The following SSBP2 variants were observed in gnomAD, a reference collection of about 807,000 sequenced individuals.
The protein encoded by SSBP2 is single-stranded DNA-binding protein 2.
Under a neutral mutation model 61.8 loss-of-function variants are expected in SSBP2, and 17 were observed. The observed-to-expected ratio is 0.28, with a 90% CI of 0.19 to 0.41. SSBP2 has a LOEUF of 0.41. SSBP2 is among the 10% of genes least tolerant of loss of function. The pLI, the probability that SSBP2 is intolerant of heterozygous loss-of-function variation, is 1.00. For missense variants in SSBP2, 310 were observed against 458.7 expected (o/e 0.68, Z 2.96); for synonymous variants, 139 against 141.3 (o/e 0.98, Z 0.12).
chr5:81,624,527 C>A (rs1251047375), intron 3 of SSBP2, among the ~76,000 whole-genome samples: 1 of 152,112 alleles, frequency 6.6e-6, no homozygotes, highest in Non-Finnish European at 1.5e-5. Flanking sequence ...ATAAGCATTT[C>A]CTTTGAGTTT....
chr5:81,442,201 T>C (rs1472419112), intron 13 of SSBP2, among the ~76,000 whole-genome samples: 2 of 152,100 alleles, frequency 1.3e-5, no homozygotes, highest in Admixed American at 1.3e-4. Context: ...CTGTAGTAAC[T>C]GCTTTAGCTC....
chr5:81,423,553 G>A (rs1761746917), intron 16 of SSBP2, among the ~76,000 whole-genome samples: 1 of 151,892 alleles, frequency 6.6e-6, no homozygotes, highest in Non-Finnish European at 1.5e-5. Context: ...GACCAGCCTG[G>A]CCAAGATGGT....
chr5:81,538,285 GCCGAAT>G (rs1770974098), intron 4 of SSBP2, among the ~76,000 whole-genome samples: 2 of 152,212 alleles, frequency 1.3e-5, no homozygotes, highest in Non-Finnish European at 2.9e-5. Context: ...TTAAGCCAAA[GCCGAAT>G]ACAGAGCAAG....
intron 4 of SSBP2, among the ~76,000 whole-genome samples, chr5:81,555,060 T>C (rs1031803662): frequency 1.3e-5 from 2 of 152,134 alleles, no homozygotes; most frequent in Non-Finnish European, 2.9e-5. Flanking sequence ...TCACTCAATA[T>C]TGCTTTCTGT....
At chr5:81,450,301 C>T (rs548124507) in intron 10 of SSBP2, among the ~76,000 whole-genome samples, 2 of 152,164 alleles carry the variant, frequency 1.3e-5, no homozygotes, top group African/African-American at 2.4e-5. Context: ...GGATTATAGG[C>T]GTGAGCTGCT....
At chr5:81,631,692 T>A (rs1747741547) in intron 3 of SSBP2, among the ~76,000 whole-genome samples, 1 of 152,148 alleles carries the variant, frequency 6.6e-6, no homozygotes, top group African/African-American at 2.4e-5. Flanking sequence ...CAAACTTTTC[T>A]TTAAAGACTA....
chr5:81,745,303 TAGTC>T (rs1757285873), intron 1 of SSBP2, among the ~76,000 whole-genome samples: 1 of 152,132 alleles, frequency 6.6e-6, no homozygotes, highest in African/African-American at 2.4e-5. Context: ...TTTAATCTAA[TAGTC>T]AAGTAACTCT....
chr5:81,517,402 T>C (rs1769124210), intron 4 of SSBP2, among the ~76,000 whole-genome samples: 1 of 151,502 alleles, frequency 6.6e-6, no homozygotes, highest in African/African-American at 2.4e-5. Context: ...AGTGACAACT[T>C]TTTTATTTCT....
At chr5:81,639,050 A>G (rs909528943) in intron 2 of SSBP2, among the ~76,000 whole-genome samples, 7 of 152,126 alleles carry the variant, frequency 4.6e-5, no homozygotes, top group African/African-American at 1.7e-4. Flanking sequence ...AAGGCACAAA[A>G]AACCACCATT....
At chr5:81,454,520 A>G (rs1024537460) in intron 10 of SSBP2, among the ~76,000 whole-genome samples, 3 of 152,124 alleles carry the variant, frequency 2.0e-5, no homozygotes, top group African/African-American at 7.2e-5. Flanking sequence ...GTCTATACTA[A>G]GAATACAAAA....
At chr5:81,532,732 C>A (rs1770511436) in intron 4 of SSBP2, among the ~76,000 whole-genome samples, 2 of 151,526 alleles carry the variant, frequency 1.3e-5, no homozygotes, top group African/African-American at 4.8e-5. Flanking sequence ...TCATAAGAAG[C>A]AGGGTACTTG....
intron 3 of SSBP2, among the ~76,000 whole-genome samples, chr5:81,635,339 G>A (rs1192777605): frequency 5.3e-5 from 8 of 151,978 alleles, no homozygotes; most frequent in Admixed American, 5.2e-4. Flanking sequence ...TTCACTAACT[G>A]CTTATTTGTA....
chr5:81,458,682 A>C (rs1764332196), intron 10 of SSBP2, among the ~76,000 whole-genome samples: 1 of 152,214 alleles, frequency 6.6e-6, no homozygotes, highest in Admixed American at 6.5e-5. Context: ...TTTAATATTA[A>C]ATATGGGCAG....
Position 81,748,951 on chromosome 5 carries a change from T to C in SSBP2, c.62+2030A>G, listed in dbSNP as rs142239301. Reference sequence around the variant, plus strand: ...GATACTGAGTGGGATTCAACTAAAGTTCACCCCTTCCTGGAAGTTCACCTA... The same window carrying C: ...GATACTGAGTGGGATTCAACTAAAGCTCACCCCTTCCTGGAAGTTCACCTA... On this transcript the variant is annotated intron_variant, in intron 1 of 16. Transcript: ENST00000320672. Among the ~76,000 whole-genome samples the C allele has an allele frequency of 8.6e-3, 1,315 of 152,140 alleles. 15 individuals carry two copies. Among genetic ancestry groups the C allele is most frequent in the African/African-American group, 0.029 (1,219 of 41,506 alleles).
intron 10 of SSBP2, among the ~76,000 whole-genome samples, chr5:81,455,033 T>C (rs1016566622): frequency 1.3e-5 from 2 of 152,158 alleles, no homozygotes; most frequent in Non-Finnish European, 2.9e-5. Context: ...TGGTAAAGCA[T>C]CAGGGAGGAC....
chr5:81,649,177 T>G (rs1239746878), intron 2 of SSBP2, among the ~76,000 whole-genome samples: 1 of 152,148 alleles, frequency 6.6e-6, no homozygotes, highest in Non-Finnish European at 1.5e-5. Context: ...ACTCTGAGCC[T>G]TGTTGTCCTC....
rs9596 is a variant in SSBP2, at chr5:81,440,625, A to G, written c.861T>C (p.Gly287=). 572,651 of 1,602,384 alleles carry G rather than the reference A, an allele frequency of 0.36. 112,510 individuals carry two copies. The highest frequency in any genetic ancestry group is 0.81 in the African/African-American group (60,593 of 74,692). ...CACCCATGGGACCATCTGACCCAGG[A>G]CCCATTGGAAACTATTTTAAAAATG... Residue 287 remains glycine, a synonymous_variant, in exon 14 of 17, where the codon GGT becomes GGC. Transcript: ENST00000320672.
intron 4 of SSBP2, among the ~76,000 whole-genome samples, chr5:81,579,615 TG>T (rs1271280330): frequency 6.6e-6 from 1 of 152,108 alleles, no homozygotes; most frequent in Admixed American, 6.6e-5. Flanking sequence ...GAAATAAGAA[TG>T]GAAATATTCT....
chr5:81,469,135 T>C (rs188012441), intron 8 of SSBP2, among the ~76,000 whole-genome samples: 70 of 152,112 alleles, frequency 4.6e-4, no homozygotes, highest in Middle Eastern at 6.8e-3. Flanking sequence ...GCTTTGGACA[T>C]AGGTAGACAA....
Sources: gnomAD v4.1 joint callset for allele counts (sites outside exome capture counted in the v4.1 genomes callset) on GRCh38, gnomAD v4.1.1 for gene constraint, MANE v1.5 for transcripts, NCBI Gene and HGNC (gene_info 2026-07-23, HGNC 2026-07-21) for gene names.